The following SLC2A12 variants were observed in gnomAD, a reference collection of about 807,000 sequenced individuals.
SLC2A12 encodes solute carrier family 2, facilitated glucose transporter member 12.
Under a neutral mutation model 41.8 loss-of-function variants are expected in SLC2A12, and 23 were observed. The ratio of observed to expected loss-of-function variants is 0.55; its 90% CI spans 0.40 to 0.78. SLC2A12 has a LOEUF of 0.78. SLC2A12 is among the 30% of genes least tolerant of loss of function. SLC2A12 has a pLI of 0.00. For missense variants in SLC2A12, 654 were observed against 745.6 expected (o/e 0.88, Z 1.43); for synonymous variants, 295 against 285.9 (o/e 1.03, Z -0.32).
intron 2 of SLC2A12, among the ~76,000 whole-genome samples, chr6:134,016,570 G>T (rs577220436): frequency 3.6e-4 from 55 of 152,036 alleles, no homozygotes; most frequent in African/African-American, 1.3e-3. Context: ...TCATTAAACT[G>T]TGACAGGTTA....
Position 134,031,651 on chromosome 6 carries a change from T to C in SLC2A12, c.104-1930A>G, listed in dbSNP as rs117989902. Among the ~76,000 whole-genome samples the C allele has an allele frequency of 8.5e-5, 13 of 152,276 alleles. No homozygotes were observed. The East Asian group carries it at 2.5e-3, about 29-fold the overall frequency. ...ACATAGGGAAGATTAGGAATAGAACTGGTTGTGAGTGGTGATAAGAGGAGG... is the reference window on the plus strand; with the variant it reads ...ACATAGGGAAGATTAGGAATAGAACCGGTTGTGAGTGGTGATAAGAGGAGG... On this transcript the variant is annotated intron_variant, in intron 1 of 4. Transcript: ENST00000275230.
At chr6:134,047,072 G>A (rs1393667160) in intron 1 of SLC2A12, among the ~76,000 whole-genome samples, 5 of 152,118 alleles carry the variant, frequency 3.3e-5, no homozygotes, top group African/African-American at 9.7e-5. Context: ...AAAATCATCC[G>A]CATTTGATAT....
At chr6:133,996,820 AT>A (rs1457935928) in intron 4 of SLC2A12, among the ~76,000 whole-genome samples, 1 of 151,996 alleles carries the variant, frequency 6.6e-6, no homozygotes, top group African/African-American at 2.4e-5. Flanking sequence ...AACTTACTGT[AT>A]TTTTTTGTCT....
chr6:134,036,104 A>G (rs1777294701), intron 1 of SLC2A12, among the ~76,000 whole-genome samples: 1 of 152,240 alleles, frequency 6.6e-6, no homozygotes, highest in Non-Finnish European at 1.5e-5. Context: ...TGGGCACGCA[A>G]TAAACACTTG....
intron 4 of SLC2A12, among the ~76,000 whole-genome samples, chr6:133,999,925 C>G (rs1776735460): frequency 6.6e-6 from 1 of 152,146 alleles, no homozygotes. Context: ...ATGGAAAAAC[C>G]TGAATCCATG....
chr6:134,030,351 G>A (rs1439639387), intron 1 of SLC2A12, among the ~76,000 whole-genome samples: 2 of 152,144 alleles, frequency 1.3e-5, no homozygotes, highest in African/African-American at 2.4e-5. Flanking sequence ...CAAAGTCAAG[G>A]TTTTGCTAAA....
At chr6:134,030,768 A>G (rs868120879) in intron 1 of SLC2A12, among the ~76,000 whole-genome samples, 2 of 152,216 alleles carry the variant, frequency 1.3e-5, no homozygotes, top group Non-Finnish European at 2.9e-5. Flanking sequence ...AGGGCTTAAA[A>G]TGAATTTGGA....
chr6:134,039,229 T>C (rs1012927842), intron 1 of SLC2A12, among the ~76,000 whole-genome samples: 4 of 152,218 alleles, frequency 2.6e-5, no homozygotes, highest in African/African-American at 4.8e-5. Flanking sequence ...CTAGAAGAAC[T>C]TCTCATATTC....
At chr6:134,020,973 C>T (rs1777032726) in intron 2 of SLC2A12, among the ~76,000 whole-genome samples, 1 of 152,170 alleles carries the variant, frequency 6.6e-6, no homozygotes, top group Non-Finnish European at 1.5e-5. Context: ...GATATTGTGT[C>T]CAAAATTCTC....
chr6:134,040,051 GTTTTTTGTTTTTTT>G (rs1470662743), intron 1 of SLC2A12, among the ~76,000 whole-genome samples: 5 of 86,052 alleles, frequency 5.8e-5, no homozygotes, highest in Non-Finnish European at 1.1e-4. Flanking sequence ...TCAGGTTGTT[GTTTTTTGTTTTTTT>G]TTTTTTGTTT....
In SLC2A12 at chr6:134,048,339, G is replaced by A. The variant is rs185256540; in HGVS notation, c.103+4039C>T. 9.1e-4 allele frequency among the ~76,000 whole-genome samples: 138 copies of A among 152,258 alleles called. 1 individual carries two copies. Among genetic ancestry groups the A allele is most frequent in the African/African-American group, 3.2e-3 (132 of 41,554 alleles). ...CAGCCAGGCACTGTGGATCACACCC[G>A]TAATCCCAGCAGTTTGGGAGGCCAA... On this transcript the variant is annotated intron_variant, in intron 1 of 4. Coordinates refer to ENST00000275230, the MANE Select transcript of SLC2A12 (RefSeq NM_145176.3).
At chr6:134,021,035 T>C (rs1005371616) in intron 2 of SLC2A12, among the ~76,000 whole-genome samples, 1 of 152,198 alleles carries the variant, frequency 6.6e-6, no homozygotes, top group Non-Finnish European at 1.5e-5. Flanking sequence ...TCCCGCTAAT[T>C]GTTTCTTAAC....
rs191859225 is a variant in SLC2A12, at chr6:133,989,606, A to G, written c.*1549T>C. ...CACCATGATAGAATTGAGATCTCCAATCTCCTTTCCTTTTAGCTTCCCCCT... is the reference window on the plus strand; with the variant it reads ...CACCATGATAGAATTGAGATCTCCAGTCTCCTTTCCTTTTAGCTTCCCCCT... On this transcript the variant is annotated 3_prime_UTR_variant, in exon 5 of 5. Transcript: ENST00000275230. The G allele has an allele frequency of 6.6e-5, 10 of 152,226 alleles. No homozygotes were observed. The highest frequency in any genetic ancestry group is 1.9e-4 in the African/African-American group (8 of 41,536). The allele number at this position is 152,226 out of a possible 1,614,324, so 9.4% of individuals were successfully genotyped here.
At chr6:134,038,113 C>A (rs575166670) in intron 1 of SLC2A12, among the ~76,000 whole-genome samples, 4 of 152,132 alleles carry the variant, frequency 2.6e-5, no homozygotes, top group Non-Finnish European at 5.9e-5. Flanking sequence ...GAATTTTCTA[C>A]GGAAAAAATA....
intron 1 of SLC2A12, among the ~76,000 whole-genome samples, chr6:134,043,065 A>G (rs183065769): frequency 6.6e-6 from 1 of 152,312 alleles, no homozygotes; most frequent in East Asian, 1.9e-4. Flanking sequence ...GAGAATTTTC[A>G]GGATGGGCCT....
At chr6:134,025,166 C>T (rs1165053892) in intron 2 of SLC2A12, among the ~76,000 whole-genome samples, 1 of 152,160 alleles carries the variant, frequency 6.6e-6, no homozygotes, top group Non-Finnish European at 1.5e-5. Context: ...CATTCTTCCT[C>T]CTAGTGGACT....
intron 1 of SLC2A12, among the ~76,000 whole-genome samples, chr6:134,036,596 T>C (rs1777303148): frequency 6.6e-6 from 1 of 152,160 alleles, no homozygotes; most frequent in Non-Finnish European, 1.5e-5. Context: ...CCGCTAGCCT[T>C]CTGGCACAAA....
At chr6:134,052,291 A>ACACACG in intron 1 of SLC2A12, 87 bp downstream of exon 1, 1 of 1,112,268 alleles carries the variant, frequency 9.0e-7, no homozygotes, top group East Asian at 2.4e-5. Context: ...ACACACACAC[A>ACACACG]CACACGGGAC....
At chr6:134,036,872 T>C (rs1777307650) in intron 1 of SLC2A12, among the ~76,000 whole-genome samples, 1 of 152,226 alleles carries the variant, frequency 6.6e-6, no homozygotes, top group African/African-American at 2.4e-5. Context: ...AGTGTTTTAT[T>C]GTCACAACTA....
Sources: allele counts gnomAD v4.1 joint callset (sites outside exome capture counted in the v4.1 genomes callset), GRCh38; gene constraint gnomAD v4.1.1; transcripts MANE v1.5; gene names NCBI Gene and HGNC (gene_info 2026-07-23, HGNC 2026-07-21).